The following NRG1 variants were observed in gnomAD, a reference collection of about 807,000 sequenced individuals.
The protein encoded by NRG1 is neuregulin 1.
In NRG1, 18 loss-of-function variants were observed where a neutral mutation model predicts 63.8. That is an observed-to-expected ratio of 0.28 (90% CI 0.19 to 0.42). NRG1 has a LOEUF of 0.42. NRG1 is among the 10% of genes least tolerant of loss of function. NRG1 has a pLI of 1.00. For missense variants in NRG1, 762 were observed against 814.7 expected, an observed-to-expected ratio of 0.94 and a Z score of 0.79; for synonymous variants, 302 against 301.3, an observed-to-expected ratio of 1.00 and a Z score of -0.02.
At chr8:32,289,233 T>C (rs17630859) in intron 1 of NRG1, among the ~76,000 whole-genome samples, 1 of 152,132 alleles carries the variant, frequency 6.6e-6, no homozygotes, top group African/African-American at 2.4e-5. Flanking sequence ...CCTGAGGGGA[T>C]GGACTTCCTG....
chr8:32,448,396 G>A (rs1054249776), intron 1 of NRG1, among the ~76,000 whole-genome samples: 7 of 152,234 alleles, frequency 4.6e-5, no homozygotes, highest in Middle Eastern at 6.8e-3. Flanking sequence ...ATAAAATATC[G>A]AGGGCTTAAA....
chr8:32,470,634 GT>G (rs1022413587), intron 1 of NRG1, among the ~76,000 whole-genome samples: 3 of 152,206 alleles, frequency 2.0e-5, no homozygotes, highest in African/African-American at 7.2e-5. Flanking sequence ...ATGAGTGTGA[GT>G]GGGGGAGAGA....
In NRG1 at chr8:32,091,194, C is replaced by T. The variant is rs145811664; in HGVS notation, c.37+451763C>T. 8.8e-3 allele frequency among the ~76,000 whole-genome samples: 1,324 copies of T among 150,744 alleles called. 23 individuals carry two copies. The highest frequency in any genetic ancestry group is 0.03 in the African/African-American group (1,247 of 40,962). ...TCAGGTGGCTGAGGCAGGAGAATGG[C>T]GTGAACCCGGGAGGCAGAGCTTGCA... On this transcript the variant is annotated intron_variant, in intron 1 of 10. Coordinates refer to the NRG1 transcript ENST00000519301.
At chr8:32,031,210 G>A (rs932365589) in intron 1 of NRG1, among the ~76,000 whole-genome samples, 3 of 152,192 alleles carry the variant, frequency 2.0e-5, no homozygotes, top group African/African-American at 7.2e-5. Flanking sequence ...TCCATCACCA[G>A]GCTCTGTCTC....
intron 6 of NRG1, among the ~76,000 whole-genome samples, chr8:32,732,706 A>G (rs1823992154): frequency 6.6e-6 from 1 of 152,104 alleles, no homozygotes; most frequent in Non-Finnish European, 1.5e-5. Context: ...TTTTCCTTAT[A>G]ATAAAAAGTA....
chr8:32,673,343 C>T (rs919026018), intron 5 of NRG1, among the ~76,000 whole-genome samples: 1 of 152,126 alleles, frequency 6.6e-6, no homozygotes, highest in Non-Finnish European at 1.5e-5. Context: ...ACTTAAAGCA[C>T]CTCTAAGTGT....
At chr8:32,711,565 C>T (rs758315946) in intron 5 of NRG1, among the ~76,000 whole-genome samples, 2 of 152,138 alleles carry the variant, frequency 1.3e-5, no homozygotes, top group South Asian at 2.1e-4. Flanking sequence ...ATCATTGCTA[C>T]ACTATGAAGT....
At chr8:32,116,465 A>G (rs778734462) in intron 1 of NRG1, among the ~76,000 whole-genome samples, 1 of 152,116 alleles carries the variant, frequency 6.6e-6, no homozygotes, top group Non-Finnish European at 1.5e-5. Flanking sequence ...TCACCACCTG[A>G]TGAGCTGATT....
chr8:31,884,022 C>G (rs934193279), intron 1 of NRG1, among the ~76,000 whole-genome samples: 2 of 152,024 alleles, frequency 1.3e-5, no homozygotes, highest in African/African-American at 2.4e-5. Flanking sequence ...AACAGTTGAT[C>G]AGTAAATGTT....
exon 1 of NRG1, chr8:32,548,671 G>A: frequency 6.5e-7 from 1 of 1,538,180 alleles, no homozygotes; most frequent in South Asian, 1.2e-5. Context: ...CGAGCCCTTG[G>A]ACCAAACTCG....
intron 1 of NRG1, among the ~76,000 whole-genome samples, chr8:31,913,091 G>A (rs987639276): frequency 6.6e-6 from 1 of 151,972 alleles, no homozygotes; most frequent in Non-Finnish European, 1.5e-5. Context: ...TTGCTAATTG[G>A]GCACTGAGGT....
intron 1 of NRG1, among the ~76,000 whole-genome samples, chr8:32,434,887 T>C (rs537441385): frequency 6.6e-6 from 1 of 152,234 alleles, no homozygotes; most frequent in African/African-American, 2.4e-5. Flanking sequence ...GTAGAGACCA[T>C]GTAAAGTATA....
At chr8:32,578,070 C>A (rs541457331) in intron 1 of NRG1, among the ~76,000 whole-genome samples, 38 of 152,240 alleles carry the variant, frequency 2.5e-4, no homozygotes, top group African/African-American at 8.7e-4. Context: ...TCTGAGCTCA[C>A]GGCAACCTCT....
intron 1 of NRG1, among the ~76,000 whole-genome samples, chr8:32,264,385 A>C (rs139742730): frequency 7.2e-5 from 11 of 152,310 alleles, no homozygotes; most frequent in African/African-American, 2.6e-4. Context: ...AACATTAAAG[A>C]CAGAGGTAAC....
intron 1 of NRG1, among the ~76,000 whole-genome samples, chr8:32,006,533 C>T (rs926131514): frequency 2.6e-5 from 4 of 151,988 alleles, no homozygotes; most frequent in South Asian, 4.1e-4. Flanking sequence ...AGAAATTTCT[C>T]GTGCTAGTGA....
Position 32,604,844 on chromosome 8 carries a change from A to C in NRG1, c.279-718A>C, listed in dbSNP as rs183102368. 7.9e-4 allele frequency among the ~76,000 whole-genome samples: 120 copies of C among 151,404 alleles called. 1 individual carries two copies. The highest frequency in any genetic ancestry group is 2.7e-3 in the African/African-American group (113 of 41,108). On this transcript the variant is annotated intron_variant, in intron 2 of 11. Coordinates refer to ENST00000356819, the Ensembl canonical transcript of NRG1. The stretch of plus-strand genomic sequence containing the variant: ...TATAGGTTATGTGCAACAGTAAAAC[A>C]CAGACACAGCAAATCACAATGCTGC...
intron 1 of NRG1, among the ~76,000 whole-genome samples, chr8:32,447,079 T>C (rs1311161272): frequency 6.6e-6 from 1 of 151,828 alleles, no homozygotes; most frequent in African/African-American, 2.4e-5. Context: ...AGTGGCGCAG[T>C]CTCAGCTCAC....
intron 1 of NRG1, among the ~76,000 whole-genome samples, chr8:31,887,548 G>T (rs1830816597): frequency 6.6e-6 from 1 of 152,056 alleles, no homozygotes; most frequent in South Asian, 2.1e-4. Flanking sequence ...CACTCTCGTA[G>T]GTGCTAGTAA....
intron 1 of NRG1, among the ~76,000 whole-genome samples, chr8:32,448,915 T>A (rs557018011): frequency 5.3e-4 from 81 of 152,106 alleles, no homozygotes; most frequent in Non-Finnish European, 9.9e-4. Flanking sequence ...TGTGTGTGTT[T>A]AGGAAGGATG....
Sources: gnomAD v4.1 joint callset for allele counts (sites outside exome capture counted in the v4.1 genomes callset) on GRCh38, gnomAD v4.1.1 for gene constraint, MANE v1.5 for transcripts, NCBI Gene and HGNC (gene_info 2026-07-23, HGNC 2026-07-21) for gene names.